PDCD6IP: variants seen among roughly 807,000 people sequenced by gnomAD.
The protein encoded by PDCD6IP is programmed cell death 6 interacting protein, also known as programmed cell death 6-interacting protein.
In PDCD6IP, 43 loss-of-function variants were observed where a neutral mutation model predicts 103.7. That is an observed-to-expected ratio of 0.41 (90% CI 0.32 to 0.53). The LOEUF (loss-of-function observed/expected upper bound fraction) is 0.53. PDCD6IP is among the 20% of genes least tolerant of loss of function. The pLI is 0.16. For synonymous variants in PDCD6IP, 354 were observed against 378.7 expected, an observed-to-expected ratio of 0.93 and a Z score of 0.76; for missense variants, 871 against 1,036.7, an observed-to-expected ratio of 0.84 and a Z score of 2.20.
chr3:33,816,644 C>T (rs1696861134), intron 3 of PDCD6IP, among the ~76,000 whole-genome samples: 1 of 151,648 alleles, frequency 6.6e-6, no homozygotes. Flanking sequence ...CTGGATTTAG[C>T]AGAGAGAAGT....
chr3:33,833,259 C>G (rs911117409), intron 7 of PDCD6IP, among the ~76,000 whole-genome samples: 1 of 151,708 alleles, frequency 6.6e-6, no homozygotes, highest in Non-Finnish European at 1.5e-5. Flanking sequence ...CAGTATTATC[C>G]ACATCTAGTT....
rs745395691 is a variant in PDCD6IP, at chr3:33,828,835, C to T, written c.718-18C>T. 16 of 1,612,390 alleles carry T rather than the reference C, an allele frequency of 9.9e-6. No individual in the cohort carries two copies. The highest frequency in any genetic ancestry group is 1.4e-5 in the Non-Finnish European group (16 of 1,178,848). ...TTGTGTGGTTGGACTCTCCCCTGGT[C>T]AGTATTTTTATTTCCAGGAGGTGTT... is the stretch of plus-strand genomic sequence containing the variant. On this transcript the variant is annotated intron_variant, in intron 6 of 17. Transcript: ENST00000307296.
chr3:33,803,892 A>AT (rs1559769416), intron 1 of PDCD6IP, among the ~76,000 whole-genome samples: 2 of 150,888 alleles, frequency 1.3e-5, no homozygotes, highest in Non-Finnish European at 1.5e-5. Flanking sequence ...AGGACTGTGT[A>AT]TTTTTTTCTC....
chr3:33,799,874 A>C (rs913028172), intron 1 of PDCD6IP, among the ~76,000 whole-genome samples: 11 of 152,078 alleles, frequency 7.2e-5, no homozygotes, highest in Admixed American at 3.9e-4. Flanking sequence ...TAATCCCAGC[A>C]CTTTGGGAGG....
At chr3:33,799,003 T>TC (rs1696401901) in intron 1 of PDCD6IP, 66 bp downstream of exon 1, 3 of 1,353,600 alleles carry the variant, frequency 2.2e-6, no homozygotes, top group East Asian at 2.5e-5. Context: ...TCTTCCCGTC[T>TC]CCCCCCTTCC....
chr3:33,813,740 C>T (rs1265170462), intron 3 of PDCD6IP, 112 bp downstream of exon 3: 2 of 665,576 alleles, frequency 3.0e-6, no homozygotes, highest in South Asian at 1.9e-5. Flanking sequence ...AAGTTTTTTA[C>T]ATTTCATTCT....
chr3:33,833,957 C>CTACCTCTGTACCTGTGCT (rs139495879), intron 7 of PDCD6IP, among the ~76,000 whole-genome samples: 12,351 of 152,154 alleles, frequency 0.081, 571 homozygotes, highest in African/African-American at 0.092. Flanking sequence ...AAGAATCCCA[C>CTACCTCTGTACCTGTGCT]TACCTCTGTA....
intron 15 of PDCD6IP, among the ~76,000 whole-genome samples, chr3:33,856,858 A>G (rs1697840813): frequency 1.3e-5 from 2 of 152,192 alleles, no homozygotes; most frequent in African/African-American, 4.8e-5. Context: ...TCATATAGTA[A>G]ATACATGCTA....
At chr3:33,819,060 T>C (rs1575910484) in intron 3 of PDCD6IP, among the ~76,000 whole-genome samples, 1 of 152,120 alleles carries the variant, frequency 6.6e-6, no homozygotes, top group East Asian at 1.9e-4. Context: ...TATATTTCTT[T>C]GATAATTTTC....
At chr3:33,810,115 T>C (rs577697232) in intron 1 of PDCD6IP, among the ~76,000 whole-genome samples, 14 of 152,336 alleles carry the variant, frequency 9.2e-5, no homozygotes, top group African/African-American at 2.9e-4. Context: ...TTACACACTT[T>C]TCATTATTTT....
In PDCD6IP at chr3:33,828,841, T is replaced by C; in HGVS notation, c.718-12T>C. ...GGTTGGACTCTCCCCTGGTCAGTAT[T>C]TTTATTTCCAGGAGGTGTTCCCTGT... On this transcript the variant is annotated splice_polypyrimidine_tract_variant and intron_variant, in intron 6 of 17. Transcript: ENST00000307296. 6.2e-7 allele frequency: 1 copy of C among 1,612,808 alleles called. No homozygotes were observed. Among genetic ancestry groups the C allele is most frequent in the Non-Finnish European group, 8.5e-7 (1 of 1,179,066 alleles).
In PDCD6IP at chr3:33,836,207, G is replaced by A. The variant is rs1271319180; in HGVS notation, c.998G>A (p.Gly333Asp). The A allele has an allele frequency of 6.2e-7, 1 of 1,613,470 alleles. No homozygotes were observed. Among genetic ancestry groups the A allele is most frequent in the African/African-American group, 1.3e-5 (1 of 74,984 alleles). Residue 333 changes from glycine to aspartate, a missense_variant, in exon 8 of 18, where the codon GGC (glycine) becomes GAC (aspartate). Physicochemically the swap from Gly to Asp is moderately conservative, Grantham distance 94. Around this residue, in one of 5 missense-constraint regions of PDCD6IP, gnomAD observed 242 missense variants for 250.7 expected, o/e 0.97. Coordinates refer to ENST00000307296, the MANE Select transcript of PDCD6IP (RefSeq NM_013374.6). ...GACCTTAAAGATCTAGATCCTATTG[G>A]CAAAGCCACACTTGTGAAATCTACC... ...VPDLKDLDPIGKATLVKSTPV... is the reference protein window; with the variant it reads ...VPDLKDLDPIDKATLVKSTPV...
At chr3:33,835,315 A>G (rs1697322982) in intron 7 of PDCD6IP, 2 of 456,600 alleles carry the variant, frequency 4.4e-6, no homozygotes, top group African/African-American at 2.0e-5. Context: ...AAGGAGTGAA[A>G]GAGGTGCATC....
At chr3:33,831,029 A>G (rs1018878383) in intron 7 of PDCD6IP, among the ~76,000 whole-genome samples, 5 of 152,254 alleles carry the variant, frequency 3.3e-5, no homozygotes, top group African/African-American at 9.6e-5. Flanking sequence ...AATCAAAACA[A>G]TAGATAAAAT....
At position 33,853,254 on chromosome 3, in the gene PDCD6IP, G is replaced by C. The variant is rs181564689; in HGVS notation, c.1890+518G>C. 1.1e-3 allele frequency among the ~76,000 whole-genome samples: 163 copies of C among 152,180 alleles called. 1 individual carries two copies. The highest frequency in any genetic ancestry group is 3.5e-3 in the African/African-American group (145 of 41,508). ...AAGTCATTTCTATGGCTAAAATGTT[G>C]CATATTACTTAGGAGTGCTTGATAC... On this transcript the variant is annotated intron_variant, in intron 13 of 17. Transcript: ENST00000307296.
At chr3:33,822,174 C>T (rs1051318872) in intron 4 of PDCD6IP, 92 bp downstream of exon 4, 80 of 1,289,524 alleles carry the variant, frequency 6.2e-5, no homozygotes, top group South Asian at 2.3e-4. Flanking sequence ...ATACTTCTTA[C>T]GCAACAGATG....
intron 17 of PDCD6IP, 105 bp from the exon 18 acceptor site, chr3:33,866,246 A>G: frequency 1.3e-6 from 1 of 759,932 alleles, no homozygotes. Flanking sequence ...TAATAGACTA[A>G]AAAATAGAAA....
At chr3:33,851,840 A>G (rs193054616) in intron 12 of PDCD6IP, among the ~76,000 whole-genome samples, 1 of 152,226 alleles carries the variant, frequency 6.6e-6, no homozygotes, top group East Asian at 1.9e-4. Context: ...AATGTGGTAT[A>G]TACACTTATA....
rs553904832 is a variant in PDCD6IP, at chr3:33,865,742, G to A, written c.2432+312G>A. On this transcript the variant is annotated intron_variant, in intron 17 of 17. Transcript: ENST00000307296. ...TGATAAACAGGTACCTTTTCTGAGC[G>A]TAGCATAGCAAAACTGATAAGGCCT... Among the ~76,000 whole-genome samples the A allele has an allele frequency of 1.2e-4, 19 of 152,242 alleles. No homozygotes were observed. The South Asian group carries it at 3.3e-3, about 27-fold the overall frequency.
Sources: allele counts gnomAD v4.1 joint callset (sites outside exome capture counted in the v4.1 genomes callset), GRCh38; gene constraint gnomAD v4.1.1; regional missense constraint gnomAD v4.1.1; transcripts MANE v1.5; gene names NCBI Gene and HGNC (gene_info 2026-07-23, HGNC 2026-07-21).